The following SUMF1 variants were observed in gnomAD, a reference collection of about 807,000 sequenced individuals.
The protein encoded by SUMF1 is sulfatase modifying factor 1.
A neutral mutation model predicts 47.6 loss-of-function variants in SUMF1; 48 were observed. The ratio of observed to expected loss-of-function variants is 1.01; its 90% CI spans 0.80 to 1.28. The LOEUF (loss-of-function observed/expected upper bound fraction) is 1.28, where lower values mean the gene tolerates loss of function less well. SUMF1 is among the 50% of genes most tolerant of loss of function. The probability of loss-of-function intolerance (pLI) is 0.00; values close to 1 mark genes in which losing one functional copy is unlikely to be tolerated. For synonymous variants in SUMF1, 230 were observed against 192.1 expected (o/e 1.20, Z -1.63); for missense variants, 571 against 485.4 (o/e 1.18, Z -1.66).
At chr3:4,250,396 G>C (rs1178583461) in intron 8 of SUMF1, among the ~76,000 whole-genome samples, 1 of 152,116 alleles carries the variant, frequency 6.6e-6, no homozygotes, top group Non-Finnish European at 1.5e-5. Context: ...TGAGGTTTGA[G>C]AAAAGCCATT....
chr3:4,318,608 T>TA (rs1348633513), intron 8 of SUMF1, among the ~76,000 whole-genome samples: 2 of 152,182 alleles, frequency 1.3e-5, no homozygotes, highest in Non-Finnish European at 2.9e-5. Context: ...ATTAGGCAGG[T>TA]AAGAACTTAA....
intron 8 of SUMF1, among the ~76,000 whole-genome samples, chr3:4,318,702 G>A (rs1698749634): frequency 6.6e-6 from 1 of 152,180 alleles, no homozygotes; most frequent in Non-Finnish European, 1.5e-5. Context: ...GAGGTCAGGA[G>A]TTCAAGACCA....
Position 4,389,950 on chromosome 3 carries a change from G to C in SUMF1, c.955-13561C>G, listed in dbSNP as rs564789211. ...TTTGCTGGGTAAGTCTAACATCTCT[G>C]TCATCTCAGTGTGGGCATCTGCTAT... is the stretch of plus-strand genomic sequence containing the variant. On this transcript the variant is annotated intron_variant, in intron 7 of 8. Coordinates refer to ENST00000272902, the MANE Select transcript of SUMF1 (RefSeq NM_182760.4). 1.4e-4 allele frequency among the ~76,000 whole-genome samples: 22 copies of C among 152,184 alleles called. 1 individual carries two copies. The East Asian group carries it at 4.0e-3, about 28-fold the overall frequency.
intron 8 of SUMF1, among the ~76,000 whole-genome samples, chr3:4,088,765 T>G (rs1692724531): frequency 1.3e-5 from 2 of 152,090 alleles, no homozygotes; most frequent in African/African-American, 2.4e-5. Flanking sequence ...TGAAGAGAAT[T>G]TAAGATGCAC....
intron 8 of SUMF1, among the ~76,000 whole-genome samples, chr3:4,134,149 T>A (rs1693862713): frequency 6.6e-6 from 1 of 152,028 alleles, no homozygotes; most frequent in Admixed American, 6.6e-5. Flanking sequence ...CTCCACCACA[T>A]ATCAACAGAA....
At chr3:4,253,576 T>TGC (rs1696860644) in intron 8 of SUMF1, among the ~76,000 whole-genome samples, 1 of 150,888 alleles carries the variant, frequency 6.6e-6, no homozygotes, top group Non-Finnish European at 1.5e-5. Context: ...CGGCGCACCA[T>TGC]GAGACTATAT....
At chr3:4,109,994 A>G (rs1693254469) in intron 8 of SUMF1, among the ~76,000 whole-genome samples, 1 of 151,886 alleles carries the variant, frequency 6.6e-6, no homozygotes, top group African/African-American at 2.4e-5. Flanking sequence ...GGAGGAGGAG[A>G]GGCGCTCTGA....
chr3:4,148,351 G>T (rs746894305), intron 8 of SUMF1, among the ~76,000 whole-genome samples: 2 of 152,074 alleles, frequency 1.3e-5, no homozygotes, highest in African/African-American at 2.4e-5. Context: ...TTTTATAGAA[G>T]TTCTTTGCTT....
chr3:4,435,591 A>G (rs1702371622), intron 3 of SUMF1, among the ~76,000 whole-genome samples: 1 of 152,236 alleles, frequency 6.6e-6, no homozygotes, highest in Non-Finnish European at 1.5e-5. Flanking sequence ...ACATGTCCAA[A>G]TGCATCATCA....
At chr3:4,123,728 G>A (rs1693595791) in intron 8 of SUMF1, among the ~76,000 whole-genome samples, 1 of 152,180 alleles carries the variant, frequency 6.6e-6, no homozygotes, top group East Asian at 1.9e-4. Flanking sequence ...TACAATCATA[G>A]GAAAGTCATT....
chr3:4,232,608 C>CA (rs111699846), intron 8 of SUMF1, among the ~76,000 whole-genome samples: 1,934 of 148,138 alleles, frequency 0.013, 49 homozygotes, highest in African/African-American at 0.044. Flanking sequence ...CAAAAGAAAA[C>CA]AAAAAAAAAT....
intron 8 of SUMF1, among the ~76,000 whole-genome samples, chr3:4,159,784 C>T (rs1331420956): frequency 2.0e-5 from 3 of 152,116 alleles, no homozygotes; most frequent in Non-Finnish European, 4.4e-5. Flanking sequence ...CTGAGAAAGT[C>T]TTAATTTCTC....
In SUMF1 at chr3:4,362,039, C is replaced by T; in HGVS notation, c.*105G>A. 1 of 1,169,082 alleles carries T rather than the reference C, an allele frequency of 8.6e-7. No homozygotes were observed. The highest frequency in any genetic ancestry group is 1.9e-5 in the Admixed American group (1 of 52,812). The allele number at this position is 1,169,082 out of a possible 1,614,324, so 72.4% of individuals were successfully genotyped here. A position where few individuals can be genotyped will look rare whatever the true frequency, so the allele number is the denominator to read the frequency against. On this transcript the variant is annotated 3_prime_UTR_variant, in exon 9 of 9. Transcript: ENST00000272902. Reference sequence around the variant, plus strand: ...GCCATTGGGCAGGTATGTAACCCACCTCAGGGTGGGAATTCTTTGCATGGG... The same window carrying T: ...GCCATTGGGCAGGTATGTAACCCACTTCAGGGTGGGAATTCTTTGCATGGG...
chr3:4,391,787 C>G (rs911179862), intron 7 of SUMF1, among the ~76,000 whole-genome samples: 4 of 151,774 alleles, frequency 2.6e-5, no homozygotes, highest in Non-Finnish European at 5.9e-5. Flanking sequence ...CCAGCCCTCT[C>G]TGCTCATTGG....
In SUMF1 at chr3:4,241,933, G is replaced by A. The variant is rs74755949; in HGVS notation, c.1014+134397C>T. 3.7e-4 allele frequency among the ~76,000 whole-genome samples: 57 copies of A among 152,222 alleles called. 1 individual carries two copies. In the East Asian group the frequency reaches 8.1e-3, roughly 22 times the overall value. ...CATAACACACAGGGAAGTTGACTACGTCACCCTAATCTTCTTACTATGCAA... is the reference window on the plus strand; with the variant it reads ...CATAACACACAGGGAAGTTGACTACATCACCCTAATCTTCTTACTATGCAA... On this transcript the variant is annotated intron_variant and NMD_transcript_variant, in intron 8 of 12. Transcript: ENST00000448413.
At chr3:4,283,531 T>C (rs1426452878) in intron 8 of SUMF1, among the ~76,000 whole-genome samples, 1 of 152,190 alleles carries the variant, frequency 6.6e-6, no homozygotes, top group African/African-American at 2.4e-5. Context: ...ATTAACAAAT[T>C]ACAATAACCT....
At chr3:4,106,609 T>C (rs1303282870) in intron 8 of SUMF1, among the ~76,000 whole-genome samples, 1 of 151,968 alleles carries the variant, frequency 6.6e-6, no homozygotes, top group Non-Finnish European at 1.5e-5. Flanking sequence ...AATAAAGAAA[T>C]AACGAGAAAC....
chr3:4,210,081 G>C (rs1695746884), intron 8 of SUMF1, among the ~76,000 whole-genome samples: 1 of 152,152 alleles, frequency 6.6e-6, no homozygotes, highest in East Asian at 1.9e-4. Flanking sequence ...TTTTAGTAGA[G>C]ACAAGGTTTC....
intron 8 of SUMF1, chr3:4,313,101 C>T: frequency 6.2e-7 from 1 of 1,614,002 alleles, no homozygotes; most frequent in Non-Finnish European, 8.5e-7. Flanking sequence ...AATGCAATGT[C>T]CTGTGCCGAT....
Sources: allele counts gnomAD v4.1 joint callset (sites outside exome capture counted in the v4.1 genomes callset), GRCh38; gene constraint gnomAD v4.1.1; transcripts MANE v1.5; gene names NCBI Gene and HGNC (gene_info 2026-07-23, HGNC 2026-07-21).